The following LRRC15 variants were observed in gnomAD, a reference collection of about 807,000 sequenced individuals.
LRRC15 encodes the protein leucine rich repeat containing 15, also known as leucine-rich repeat-containing protein 15.
A neutral mutation model predicts 4.3 loss-of-function variants in LRRC15; 5 were observed. The observed-to-expected ratio is 1.16, with a 90% confidence interval of 0.61 to 2.44. The LOEUF (loss-of-function observed/expected upper bound fraction) is 2.44, where lower values mean the gene tolerates loss of function less well. Ranked by LOEUF, LRRC15 falls within the 30% of genes most tolerant of loss-of-function variation. The pLI is 0.01. For missense variants in LRRC15, 769 were observed against 747.0 expected (o/e 1.03, Z -0.34); for synonymous variants, 337 against 323.2 (o/e 1.04, Z -0.46).
intron 1 of LRRC15, 87 bp from the exon 2 acceptor site, chr3:194,361,133 G>C: frequency 8.3e-7 from 1 of 1,198,160 alleles, no homozygotes; most frequent in Non-Finnish European, 1.1e-6. Flanking sequence ...CAGTGCCAAT[G>C]CTGGCTTGGC....
At chr3:194,364,639 G>T (rs34124269) in intron 1 of LRRC15, among the ~76,000 whole-genome samples, 21,427 of 152,214 alleles carry the variant, frequency 0.14, 1,890 homozygotes, top group African/African-American at 0.24. Flanking sequence ...TGCCAGGGAA[G>T]GTGCCCCTTG....
chr3:194,359,762 C>T lies in LRRC15; in HGVS notation c.1282G>A (p.Asp428Asn). 6.2e-7 allele frequency: 1 copy of T among 1,614,156 alleles called. No individual in the cohort carries two copies. The highest frequency in any genetic ancestry group is 1.1e-5 in the South Asian group (1 of 91,068). The change falls in exon 2 of 2, where the codon GAC (aspartate) becomes AAC (asparagine). Residue 428 changes from aspartate (D) to asparagine (N), a missense_variant. Coordinates refer to ENST00000347624, the MANE Select transcript of LRRC15 (RefSeq NM_130830.5). ...TTGCGGAGCGGAAGGATGTCTGAGTCACACCTCCAGGGATTGTCATACAGC... is the reference window on the plus strand; with the variant it reads ...TTGCGGAGCGGAAGGATGTCTGAGTTACACCTCCAGGGATTGTCATACAGC... Reference protein sequence around the residue: ...LRLYDNPWRCDSDILPLRNWL... With the variant: ...LRLYDNPWRCNSDILPLRNWL...
At position 194,360,963 on chromosome 3, in the gene LRRC15, G is replaced by C; in HGVS notation, c.81C>G (p.Ser27Arg). The change falls in exon 2 of 2, where the codon AGC (serine) becomes AGG (arginine). Residue 27 changes from serine (S) to arginine (R), a missense_variant. Transcript: ENST00000347624. ...GGGAGGCCCTGGAGCAGGTACACTC[G>C]CTAGGGCAGCCATGGTAGGCCAACC... ...GAGLAYHGCP[S>R]ECTCSRASQV... 6.4e-7 allele frequency: 1 copy of C among 1,573,356 alleles called. No homozygotes were observed. Among genetic ancestry groups the C allele is most frequent in the South Asian group, 1.2e-5 (1 of 85,684 alleles).
chr3:194,367,367 G>C (rs1713811303), intron 1 of LRRC15, among the ~76,000 whole-genome samples: 1 of 152,044 alleles, frequency 6.6e-6, no homozygotes, highest in South Asian at 2.1e-4. Context: ...ATGTGCAGTG[G>C]TGTGATCTCT....
chr3:194,359,390 C>A lies in LRRC15; in HGVS notation c.1654G>T (p.Ala552Ser), dbSNP rs1350676488. ...AAIVIGIVAL[A>S]CSLAACVGCC... Reference sequence around the variant, plus strand: ...CCGACGCAGGCAGCCAGGGAGCAGGCCAGGGCGACAATGCCAATTACAATG... The same window carrying A: ...CCGACGCAGGCAGCCAGGGAGCAGGACAGGGCGACAATGCCAATTACAATG... Residue 552 changes from alanine (A) to serine (S), a missense_variant, in exon 2 of 2, where the codon GCC (alanine) becomes TCC (serine). Physicochemically the swap from Ala to Ser is moderately conservative, Grantham distance 99. Coordinates refer to ENST00000347624, the MANE Select transcript of LRRC15 (RefSeq NM_130830.5). The A allele has an allele frequency of 6.2e-7, 1 of 1,614,080 alleles. No individual in the cohort carries two copies. The highest frequency in any genetic ancestry group is 8.5e-7 in the Non-Finnish European group (1 of 1,180,044).
At chr3:194,367,028 C>T (rs1294201711) in intron 1 of LRRC15, among the ~76,000 whole-genome samples, 1 of 152,224 alleles carries the variant, frequency 6.6e-6, no homozygotes, top group African/African-American at 2.4e-5. Flanking sequence ...TCAACTGAGG[C>T]TCATACAATC....
chr3:194,359,098 T>C lies in LRRC15; in HGVS notation c.*200A>G. 1.9e-6 allele frequency: 1 copy of C among 519,892 alleles called. No homozygotes were observed. The highest frequency in any genetic ancestry group is 3.1e-5 in the East Asian group (1 of 32,284). The allele number at this position is 519,892 out of a possible 1,614,324, so 32.2% of individuals were successfully genotyped here. On this transcript the variant is annotated 3_prime_UTR_variant, in exon 2 of 2. Coordinates refer to ENST00000347624, the MANE Select transcript of LRRC15 (RefSeq NM_130830.5). The stretch of plus-strand genomic sequence containing the variant: ...TTGCCATGGCCAGTTGGATCTATCT[T>C]CCTGATTGTAGGAAGGTCCGGCACG...
intron 1 of LRRC15, among the ~76,000 whole-genome samples, chr3:194,364,851 G>C (rs914904090): frequency 6.6e-6 from 1 of 152,238 alleles, no homozygotes; most frequent in African/African-American, 2.4e-5. Context: ...TGGCGGCCAG[G>C]GCTCCACAGG....
chr3:194,361,723 T>C (rs970816510), intron 1 of LRRC15, among the ~76,000 whole-genome samples: 4 of 152,196 alleles, frequency 2.6e-5, no homozygotes, highest in African/African-American at 9.6e-5. Flanking sequence ...TCTGCCTGAA[T>C]GACTACAGTG....
chr3:194,363,367 G>C, intron 1 of LRRC15: 1 of 714,134 alleles, frequency 1.4e-6, no homozygotes, highest in Non-Finnish European at 2.6e-6. Context: ...TTGTCCAAAG[G>C]CATCTAGATG....
At chr3:194,361,410 G>A (rs1007563097) in intron 1 of LRRC15, among the ~76,000 whole-genome samples, 5 of 142,404 alleles carry the variant, frequency 3.5e-5, no homozygotes, top group African/African-American at 1.4e-4. Context: ...GGCCACGGTG[G>A]CCTTGGATGT....
chr3:194,362,934 ATTTTGTTTTT>A (rs1421141114), intron 1 of LRRC15, among the ~76,000 whole-genome samples: 6 of 114,746 alleles, frequency 5.2e-5, no homozygotes, highest in African/African-American at 2.1e-4. Context: ...ACAGACCTTG[ATTTTGTTTTT>A]TTTTTTTTTT....
chr3:194,369,492 C>T (rs148727293), intron 1 of LRRC15, among the ~76,000 whole-genome samples, 169 bp downstream of exon 1: 44 of 148,014 alleles, frequency 3.0e-4, no homozygotes, highest in African/African-American at 1.0e-3. Flanking sequence ...GACAGGCTTG[C>T]ACCCCTCCAG....
At chr3:194,365,981 G>A (rs1333836927) in intron 1 of LRRC15, among the ~76,000 whole-genome samples, 2 of 152,182 alleles carry the variant, frequency 1.3e-5, no homozygotes, top group Non-Finnish European at 2.9e-5. Context: ...CCCCACAGAG[G>A]GCTGCCCAGT....
chr3:194,367,220 T>G (rs945684491), intron 1 of LRRC15, among the ~76,000 whole-genome samples: 3 of 152,224 alleles, frequency 2.0e-5, no homozygotes, highest in African/African-American at 7.2e-5. Flanking sequence ...TGTTGACCCC[T>G]GTAATCTCAA....
At chr3:194,363,344 GA>G in intron 1 of LRRC15, 1 of 713,484 alleles carries the variant, frequency 1.4e-6, no homozygotes, top group Non-Finnish European at 2.6e-6. Flanking sequence ...AACAAGAAAG[GA>G]AAAAGAATAC....
chr3:194,361,077 A>T (rs1472747466), intron 1 of LRRC15, 31 bp from the exon 2 acceptor site: 2 of 1,476,540 alleles, frequency 1.4e-6, no homozygotes, highest in South Asian at 1.4e-5. Flanking sequence ...CACGTTAGTC[A>T]GGGTCCTCTA....
At chr3:194,367,104 G>T (rs115574037) in intron 1 of LRRC15, among the ~76,000 whole-genome samples, 1,753 of 152,262 alleles carry the variant, frequency 0.012, 16 homozygotes, top group Non-Finnish European at 0.017. Flanking sequence ...AGGCTGCATG[G>T]GTTCAGGGAT....
chr3:194,364,888 G>C (rs574950862), intron 1 of LRRC15, among the ~76,000 whole-genome samples: 1 of 152,228 alleles, frequency 6.6e-6, no homozygotes, highest in Non-Finnish European at 1.5e-5. Context: ...CCTGAAACCC[G>C]GCTGCAAAGC....
Sources: gnomAD v4.1 joint callset for allele counts (sites outside exome capture counted in the v4.1 genomes callset) on GRCh38, gnomAD v4.1.1 for gene constraint, MANE v1.5 for transcripts, NCBI Gene and HGNC (gene_info 2026-07-23, HGNC 2026-07-21) for gene names.